The following JAKMIP3 variants were observed in gnomAD, a reference collection of about 807,000 sequenced individuals.
JAKMIP3 encodes janus kinase and microtubule-interacting protein 3.
JAKMIP3 carries 58 observed loss-of-function variants against 118.5 expected under a neutral mutation model. That is an observed-to-expected ratio of 0.49 (90% CI 0.40 to 0.61). The LOEUF (loss-of-function observed/expected upper bound fraction) is 0.61, where lower values mean the gene tolerates loss of function less well. JAKMIP3 is among the 20% of genes least tolerant of loss of function. The pLI is 0.00. For synonymous variants in JAKMIP3, 486 were observed against 451.2 expected (o/e 1.08, Z -0.98); for missense variants, 950 against 1,109.0 (o/e 0.86, Z 2.04).
Position 132,153,939 on chromosome 10 carries a change from C to T in JAKMIP3, c.2169C>T (p.Tyr723=). The T allele has an allele frequency of 1.2e-6, 2 of 1,613,108 alleles. No individual in the cohort carries two copies. Among genetic ancestry groups the T allele is most frequent in the Non-Finnish European group, 1.7e-6 (2 of 1,179,870 alleles). Residue 723 remains tyrosine, a synonymous_variant, in exon 19 of 24, where the codon TAC becomes TAT. Coordinates refer to ENST00000684848, the MANE Select transcript of JAKMIP3 (RefSeq NM_001323087.2). The stretch of plus-strand genomic sequence containing the variant: ...AGCTGTTCAGTAAGCAGAAGGGCTA[C>T]CTGGACGAGGAGCTGGACTACCGGA... The part of the protein sequence containing the change: ...EKELFSKQKG[Y]LDEELDYRKQ...
intron 1 of JAKMIP3, among the ~76,000 whole-genome samples, chr10:132,046,888 A>G (rs1338975474): frequency 2.0e-5 from 3 of 152,058 alleles, no homozygotes; most frequent in African/African-American, 7.2e-5. Flanking sequence ...AGCAGTTACA[A>G]CTGGATTTTT....
chr10:132,178,141 A>G (rs2060364129), intron 23 of JAKMIP3, among the ~76,000 whole-genome samples: 1 of 152,260 alleles, frequency 6.6e-6, no homozygotes. Flanking sequence ...CTGTAGAGCC[A>G]AAATCAGTAG....
At chr10:132,047,867 C>T (rs1345253840) in intron 1 of JAKMIP3, among the ~76,000 whole-genome samples, 1 of 114,100 alleles carries the variant, frequency 8.8e-6, no homozygotes, top group African/African-American at 3.0e-5. Flanking sequence ...TGTGTGTTCC[C>T]CACCCCCCGC....
At chr10:132,137,397 G>A (rs1014362372) in intron 8 of JAKMIP3, 108 bp downstream of exon 8, 24 of 1,400,248 alleles carry the variant, frequency 1.7e-5, no homozygotes, top group East Asian at 6.9e-5. Flanking sequence ...AAGCGGCCGC[G>A]GCAGCCTTTC....
At chr10:132,095,413 G>T (rs1293868359) in intron 1 of JAKMIP3, among the ~76,000 whole-genome samples, 1 of 152,116 alleles carries the variant, frequency 6.6e-6, no homozygotes, top group East Asian at 1.9e-4. Context: ...TGCTTCCTCC[G>T]CCCCTGTATT....
chr10:132,126,062 A>G (rs2049480401), intron 3 of JAKMIP3, among the ~76,000 whole-genome samples: 1 of 152,090 alleles, frequency 6.6e-6, no homozygotes, highest in African/African-American at 2.4e-5. Context: ...ACCATACCTC[A>G]TCCCGAAGAC....
intron 1 of JAKMIP3, among the ~76,000 whole-genome samples, chr10:132,082,816 G>A (rs1359871929): frequency 6.6e-6 from 1 of 152,130 alleles, no homozygotes; most frequent in Non-Finnish European, 1.5e-5. Context: ...TCACCATGTT[G>A]GCCAGGATGG....
intron 1 of JAKMIP3, among the ~76,000 whole-genome samples, chr10:132,099,816 A>G (rs2044541169): frequency 6.6e-6 from 1 of 152,180 alleles, no homozygotes; most frequent in African/African-American, 2.4e-5. Context: ...CACGGACGGC[A>G]CGTTCCTCGG....
rs1313903388 is a variant in JAKMIP3, at chr10:132,112,039, G to C, written c.136-5038G>C. ...CAGGAGGTGTTGGCAGGCGGGGGTA[G>C]AGCGTGCGGGTGGACGGTGCATGGG... On this transcript the variant is annotated intron_variant, in intron 2 of 23. Transcript: ENST00000684848. This position sits in a 1 kb window ranked among gnomAD's most constrained non-coding sequence, Gnocchi z 4.3. Among the ~76,000 whole-genome samples, 1 of 152,098 alleles carries C rather than the reference G, an allele frequency of 6.6e-6. No homozygotes were observed. The highest frequency in any genetic ancestry group is 6.5e-5 in the Admixed American group (1 of 15,286).
Position 132,168,105 on chromosome 10 carries a change from G to A in JAKMIP3, c.*175G>A, listed in dbSNP as rs1434953630. ...TGAGAAGGGGCAGTGTGTGGGGCGT[G>A]GAGCTGCCGTCCACGTGGGATGTGC... On this transcript the variant is annotated 3_prime_UTR_variant, in exon 23 of 24. Transcript: ENST00000684848. The A allele has an allele frequency of 1.6e-6, 2 of 1,289,046 alleles. No homozygotes were observed. The highest frequency in any genetic ancestry group is 2.0e-6 in the Non-Finnish European group (2 of 988,462). The allele number at this position is 1,289,046 out of a possible 1,614,324, so 79.9% of individuals were successfully genotyped here.
chr10:132,054,364 A>G (rs956603074), intron 1 of JAKMIP3, among the ~76,000 whole-genome samples: 3 of 152,148 alleles, frequency 2.0e-5, no homozygotes, highest in Non-Finnish European at 2.9e-5. Context: ...GTGTAGGAAG[A>G]CCACCAAGAA....
chr10:132,104,400 AG>A (rs1314253666), intron 1 of JAKMIP3, among the ~76,000 whole-genome samples: 1 of 152,056 alleles, frequency 6.6e-6, no homozygotes, highest in African/African-American at 2.4e-5. Flanking sequence ...GATTCCTAAG[AG>A]GGAAAAGAAT....
At chr10:132,043,486 A>C (rs1377793547) in intron 1 of JAKMIP3, among the ~76,000 whole-genome samples, 2 of 152,200 alleles carry the variant, frequency 1.3e-5, no homozygotes, top group South Asian at 4.1e-4. Flanking sequence ...CTGGTGCAGC[A>C]CCGCAGAGAA....
intron 13 of JAKMIP3, among the ~76,000 whole-genome samples, chr10:132,146,128 C>T (rs957099610): frequency 1.2e-4 from 17 of 146,942 alleles, no homozygotes; most frequent in African/African-American, 3.8e-4. Flanking sequence ...AGTGCTGCCC[C>T]GCCCCCACCC....
intron 9 of JAKMIP3, among the ~76,000 whole-genome samples, chr10:132,139,374 GTGAGTA>G (rs1174068306): frequency 6.1e-4 from 11 of 17,912 alleles, no homozygotes; most frequent in African/African-American, 3.2e-3. Context: ...CTGTACGTGT[GTGAGTA>G]TGTGAGTGTA....
intron 1 of JAKMIP3, among the ~76,000 whole-genome samples, chr10:132,071,906 C>CTTCCCTTCCTTTCCTTCCT (rs2040003655): frequency 7.5e-6 from 1 of 134,158 alleles, no homozygotes; most frequent in African/African-American, 2.9e-5. Flanking sequence ...TCTTTCTTCC[C>CTTCCCTTCCTTTCCTTCCT]TTCCTTCCTT....
rs1426270899 is a variant in JAKMIP3, at chr10:132,180,522, A to ACT, written c.*1104-1834_*1104-1833dup. Among the ~76,000 whole-genome samples the ACT allele has an allele frequency of 8.7e-5, 10 of 115,370 alleles. 1 individual carries two copies. In the South Asian group the frequency reaches 1.2e-3, roughly 14 times the overall value. 75.7% of individuals were successfully genotyped at this position (115,370 alleles called of 152,430 possible). On this transcript the variant is annotated intron_variant, in intron 23 of 23. Transcript: ENST00000684848. ...GGAAGACTGCAAACCTGGAAGCAGA[A>ACT]CTGTGTGTGTGTGTGTGTGTGTGCG...
chr10:132,137,997 CA>C (rs57086821), intron 8 of JAKMIP3, 121 bp from the exon 9 acceptor site: 658,184 of 899,232 alleles, frequency 0.73, 245,064 homozygotes, highest in East Asian at 0.99. Context: ...GGTGTGGGGA[CA>C]AGCCAGCCCA....
At chr10:132,071,423 C>T (rs2039824589) in intron 1 of JAKMIP3, among the ~76,000 whole-genome samples, 1 of 152,176 alleles carries the variant, frequency 6.6e-6, no homozygotes, top group Admixed American at 6.5e-5. Flanking sequence ...CAGTCAGATC[C>T]ACTTGGTTAA....
Sources: allele counts gnomAD v4.1 joint callset (sites outside exome capture counted in the v4.1 genomes callset), GRCh38; gene constraint gnomAD v4.1.1; non-coding constraint Gnocchi (gnomAD v3.1); transcripts MANE v1.5; gene names NCBI Gene and HGNC (gene_info 2026-07-23, HGNC 2026-07-21).